GPRC5A: variants seen among roughly 807,000 people sequenced by gnomAD.
The protein encoded by GPRC5A is G protein-coupled receptor class C group 5 member A, also known as retinoic acid-induced protein 3.
GPRC5A carries 19 observed loss-of-function variants against 22.5 expected under a neutral mutation model. That is an observed-to-expected ratio of 0.85 (90% CI 0.59 to 1.24). The LOEUF (loss-of-function observed/expected upper bound fraction) is 1.24, where lower values mean the gene tolerates loss of function less well. Among genes scored for constraint, GPRC5A ranks in the 50% most tolerant of loss-of-function variants. GPRC5A has a pLI of 0.00. For missense variants in GPRC5A, 471 were observed against 451.1 expected (o/e 1.04, Z -0.40); for synonymous variants, 192 against 184.5 (o/e 1.04, Z -0.33).
In GPRC5A at chr12:12,915,038, T is replaced by TTTTTTTA. The variant is rs1864049934; in HGVS notation, c.*2499_*2500insTTTTTTA. ...CGGCATTTTTTTTTTTTTTTTTTTTTGAGACAGGGTCTAGCTCTATGGCCC... is the reference window on the plus strand; with the variant it reads ...CGGCATTTTTTTTTTTTTTTTTTTTTTTTTTTAGAGACAGGGTCTAGCTCTATGGCCC... On this transcript the variant is annotated 3_prime_UTR_variant, in exon 4 of 4. Coordinates refer to ENST00000014914, the MANE Select transcript of GPRC5A (RefSeq NM_003979.4). 1 of 145,004 alleles carries TTTTTTTA rather than the reference T, an allele frequency of 6.9e-6. No homozygotes were observed. The highest frequency in any genetic ancestry group is 2.2e-4 in the South Asian group (1 of 4,634). The allele number at this position is 145,004 out of a possible 1,614,324, so 9.0% of individuals were successfully genotyped here.
chr12:12,911,731 G>T (rs1864007293), intron 2 of GPRC5A, among the ~76,000 whole-genome samples: 1 of 152,062 alleles, frequency 6.6e-6, no homozygotes, highest in Admixed American at 6.6e-5. Flanking sequence ...CTTGTGATCT[G>T]CCCACCTCGG....
chr12:12,907,054 A>T (rs1206318675), intron 1 of GPRC5A, among the ~76,000 whole-genome samples: 1 of 135,730 alleles, frequency 7.4e-6, no homozygotes, highest in African/African-American at 2.7e-5. Context: ...AACTCCGTCT[A>T]AAAAAAAAAA....
chr12:12,902,358 T>A (rs931487822), intron 1 of GPRC5A, among the ~76,000 whole-genome samples: 16 of 151,766 alleles, frequency 1.1e-4, no homozygotes, highest in South Asian at 8.3e-4. Context: ...TTTTTTTTTT[T>A]AAAGACATTT....
At chr12:12,894,164 C>T (rs1156930342) in intron 1 of GPRC5A, among the ~76,000 whole-genome samples, 1 of 152,196 alleles carries the variant, frequency 6.6e-6, no homozygotes, top group Non-Finnish European at 1.5e-5. Context: ...TTGCTTATAA[C>T]CTGGCCCTTT....
intron 1 of GPRC5A, among the ~76,000 whole-genome samples, chr12:12,897,862 G>A (rs1294884835): frequency 6.6e-6 from 1 of 151,836 alleles, no homozygotes; most frequent in African/African-American, 2.4e-5. Context: ...TACCCGCCTC[G>A]GCCTCCCAAA....
chr12:12,916,252 A>C lies in GPRC5A; in HGVS notation c.*3713A>C, dbSNP rs1214030281. Reference sequence around the variant, plus strand: ...CAGTTGATTGATGACTGGGAGCCAAAGTGGCATCTCCTTTGACCTAAACGG... The same window carrying C: ...CAGTTGATTGATGACTGGGAGCCAACGTGGCATCTCCTTTGACCTAAACGG... On this transcript the variant is annotated 3_prime_UTR_variant, in exon 4 of 4. Coordinates refer to ENST00000014914, the MANE Select transcript of GPRC5A (RefSeq NM_003979.4). The C allele has an allele frequency of 1.3e-5, 2 of 153,452 alleles. No individual in the cohort carries two copies. Among genetic ancestry groups the C allele is most frequent in the African/African-American group, 2.4e-5 (1 of 41,472 alleles). The allele number at this position is 153,452 out of a possible 1,614,324, so 9.5% of individuals were successfully genotyped here.
chr12:12,910,584 A>G (rs1319832125), intron 2 of GPRC5A, among the ~76,000 whole-genome samples: 4 of 152,162 alleles, frequency 2.6e-5, no homozygotes, highest in East Asian at 3.9e-4. Flanking sequence ...CTCGCAGTCC[A>G]GATGAACCAA....
chr12:12,894,442 T>C (rs1863798646), intron 1 of GPRC5A, among the ~76,000 whole-genome samples: 1 of 152,168 alleles, frequency 6.6e-6, no homozygotes, highest in Non-Finnish European at 1.5e-5. Context: ...AGGGTCTTGC[T>C]CTGTTGCCCT....
chr12:12,908,743 T>C lies in GPRC5A; in HGVS notation c.494T>C (p.Phe165Ser), dbSNP rs1002734889. 1 of 1,614,122 alleles carries C rather than the reference T, an allele frequency of 6.2e-7. No homozygotes were observed. The highest frequency in any genetic ancestry group is 8.5e-7 in the Non-Finnish European group (1 of 1,180,052). ...LTMNRTNVNV[F>S]SELSAPRRNE... ...ATGAATAGGACCAACGTCAATGTCT[T>C]TTCTGAGCTTTCCGCTCCTCGTCGC... The change falls in exon 2 of 4, where the codon TTT becomes TCT. Residue 165 changes from phenylalanine to serine, a missense_variant. Coordinates refer to ENST00000014914, the MANE Select transcript of GPRC5A (RefSeq NM_003979.4).
chr12:12,900,848 C>T (rs1259062490), intron 1 of GPRC5A, among the ~76,000 whole-genome samples: 1 of 130,580 alleles, frequency 7.7e-6, no homozygotes. Context: ...TGAGATCATG[C>T]CATTGCACTC....
chr12:12,904,882 T>TG (rs1365137432), intron 1 of GPRC5A, among the ~76,000 whole-genome samples: 1 of 119,396 alleles, frequency 8.4e-6, no homozygotes, highest in Non-Finnish European at 1.6e-5. Context: ...GAAAATTTTG[T>TG]GGTTTTTTTT....
intron 1 of GPRC5A, among the ~76,000 whole-genome samples, chr12:12,899,332 C>G (rs764957533): frequency 2.0e-5 from 3 of 152,162 alleles, no homozygotes; most frequent in African/African-American, 4.8e-5. Flanking sequence ...AGCTACTGCC[C>G]CCGGCCAGGG....
intron 1 of GPRC5A, among the ~76,000 whole-genome samples, chr12:12,898,117 T>C (rs1863842423): frequency 1.3e-5 from 2 of 152,244 alleles, no homozygotes; most frequent in Admixed American, 1.3e-4. Context: ...CACAACCCAG[T>C]GTCAAGGAGC....
chr12:12,912,236 C>T (rs1864013019), intron 3 of GPRC5A, 94 bp downstream of exon 3: 3 of 990,202 alleles, frequency 3.0e-6, no homozygotes, highest in Non-Finnish European at 3.3e-6. Flanking sequence ...TCTCATGGCC[C>T]CTAGATGGCC....
At chr12:12,899,035 G>GT (rs1863853073) in intron 1 of GPRC5A, among the ~76,000 whole-genome samples, 1 of 151,926 alleles carries the variant, frequency 6.6e-6, no homozygotes, top group Non-Finnish European at 1.5e-5. Flanking sequence ...TATTTATTTA[G>GT]TTTTTTGTTT....
chr12:12,900,345 T>C (rs1863868256), intron 1 of GPRC5A, among the ~76,000 whole-genome samples: 1 of 152,170 alleles, frequency 6.6e-6, no homozygotes, highest in South Asian at 2.1e-4. Flanking sequence ...GGGTGAACGG[T>C]GGAGCTGAAC....
At chr12:12,899,145 C>T (rs1863854453) in intron 1 of GPRC5A, among the ~76,000 whole-genome samples, 1 of 152,164 alleles carries the variant, frequency 6.6e-6, no homozygotes, top group African/African-American at 2.4e-5. Context: ...CCTCTTGCTT[C>T]ACCCTCCGAG....
rs565942932 is a variant in GPRC5A at position 12,907,345 on chromosome 12, G to A, written c.-7-898G>A. Among the ~76,000 whole-genome samples the A allele has an allele frequency of 9.6e-3, 1,355 of 140,916 alleles. 27 individuals carry two copies. Among genetic ancestry groups the A allele is most frequent in the African/African-American group, 0.033 (1,275 of 38,476 alleles). 92.4% of individuals were successfully genotyped at this position (140,916 alleles called of 152,430 possible). ...GAGCCCGGGAGGCGGAGCTTGCAGT[G>A]AGCCGAGATCGTGCCACTGCACTCC... is the stretch of plus-strand genomic sequence containing the variant. On this transcript the variant is annotated intron_variant, in intron 1 of 3. Coordinates refer to ENST00000014914, the MANE Select transcript of GPRC5A (RefSeq NM_003979.4).
In GPRC5A at chr12:12,913,820, T is replaced by C. The variant is rs1281341794; in HGVS notation, c.*1281T>C. 1 of 152,204 alleles carries C rather than the reference T, an allele frequency of 6.6e-6. No homozygotes were observed. The highest frequency in any genetic ancestry group is 6.5e-5 in the Admixed American group (1 of 15,278). The allele number at this position is 152,204 out of a possible 1,614,324, so 9.4% of individuals were successfully genotyped here. On this transcript the variant is annotated 3_prime_UTR_variant, in exon 4 of 4. Transcript: ENST00000014914. Reference sequence around the variant, plus strand: ...AAACAAGTGTGTTTCCCCTCATTTTTGAGGCTGTCAATGGTGTGAGAGCCA... The same window carrying C: ...AAACAAGTGTGTTTCCCCTCATTTTCGAGGCTGTCAATGGTGTGAGAGCCA...
Sources: allele counts gnomAD v4.1 joint callset (sites outside exome capture counted in the v4.1 genomes callset), GRCh38; gene constraint gnomAD v4.1.1; transcripts MANE v1.5; gene names NCBI Gene and HGNC (gene_info 2026-07-23, HGNC 2026-07-21).